ZC3H8: variants seen among roughly 807,000 people sequenced by gnomAD.
ZC3H8 encodes zinc finger CCCH-type containing 8, also known as zinc finger CCCH domain-containing protein 8.
In ZC3H8, 27 loss-of-function variants were observed where a neutral mutation model predicts 42.5. The ratio of observed to expected loss-of-function variants is 0.64; its 90% CI spans 0.47 to 0.88. The LOEUF is 0.88. ZC3H8 is among the 40% of genes least tolerant of loss of function. ZC3H8 has a pLI of 0.00. For synonymous variants in ZC3H8, 101 were observed against 110.1 expected, an observed-to-expected ratio of 0.92 and a Z score of 0.52; for missense variants, 277 against 336.1, an observed-to-expected ratio of 0.82 and a Z score of 1.37.
intron 2 of ZC3H8, among the ~76,000 whole-genome samples, chr2:112,246,061 CT>C (rs1267701947): frequency 2.6e-5 from 4 of 152,218 alleles, no homozygotes; most frequent in African/African-American, 4.8e-5. Context: ...TAAATATACT[CT>C]GCCTGTGCTC....
At chr2:112,240,832 T>C (rs937130858) in intron 2 of ZC3H8, among the ~76,000 whole-genome samples, 2 of 152,186 alleles carry the variant, frequency 1.3e-5, no homozygotes, top group African/African-American at 4.8e-5. Context: ...TTAAAAAGCA[T>C]ACGAACATGA....
At chr2:112,239,539 C>T (rs901081976) in intron 2 of ZC3H8, among the ~76,000 whole-genome samples, 2 of 144,462 alleles carry the variant, frequency 1.4e-5, no homozygotes, top group South Asian at 2.2e-4. Flanking sequence ...AGAAGAATCG[C>T]TATTATAAAA....
rs538098098 is a variant in ZC3H8 at position 112,219,111 on chromosome 2, C to A, written c.*16-2643G>T. 5.9e-5 allele frequency among the ~76,000 whole-genome samples: 9 copies of A among 152,172 alleles called. No individual in the cohort carries two copies. In the South Asian group the frequency reaches 1.9e-3, roughly 32 times the overall value. ...AAATAGAAAAATCTGTCTTAAAATT[C>A]ATATGGGATCTGAAGGAACAAATAG... On this transcript the variant is annotated intron_variant, in intron 8 of 8. Coordinates refer to ENST00000409573, the MANE Select transcript of ZC3H8 (RefSeq NM_032494.3).
chr2:112,235,201 C>CT lies in ZC3H8; in HGVS notation c.505-966dup, dbSNP rs560604888. 1.4e-4 allele frequency among the ~76,000 whole-genome samples: 21 copies of CT among 152,178 alleles called. 1 individual carries two copies. Among genetic ancestry groups the CT allele is most frequent in the Middle Eastern group, 3.2e-3 (1 of 316 alleles). On this transcript the variant is annotated intron_variant, in intron 4 of 8. Coordinates refer to ENST00000409573, the MANE Select transcript of ZC3H8 (RefSeq NM_032494.3). ...AATACAGTATGTACAAACAAGGGAG[C>CT]TGACTGTACAGTCATTTATAATAAT...
At chr2:112,247,962 G>A (rs1376711166) in intron 2 of ZC3H8, among the ~76,000 whole-genome samples, 2 of 152,206 alleles carry the variant, frequency 1.3e-5, no homozygotes, top group Non-Finnish European at 2.9e-5. Context: ...TTGCTTACTT[G>A]GGTAGCTGAG....
chr2:112,213,451 T>C lies in ZC3H8; in HGVS notation c.*3033A>G, dbSNP rs554818475. On this transcript the variant is annotated 3_prime_UTR_variant, in exon 9 of 9. Transcript: ENST00000409573. ...CAAGTTAAAACACCAAAAGGCTATA[T>C]ACTTGACCTATATTATCTCACCAAC... The C allele has an allele frequency of 4.8e-4, 73 of 152,078 alleles. No homozygotes were observed. The highest frequency in any genetic ancestry group is 1.7e-3 in the African/African-American group (71 of 41,486). The allele number at this position is 152,078 out of a possible 1,614,324, so 9.4% of individuals were successfully genotyped here.
At position 112,252,865 on chromosome 2, in the gene ZC3H8, C is replaced by T. The variant is rs776972739; in HGVS notation, c.74+2043G>A. On this transcript the variant is annotated intron_variant, in intron 1 of 8. Transcript: ENST00000409573. Reference sequence around the variant, plus strand: ...TCTTAAAATATCTACACCTCCCAGCCGGGCGCGGTGGCTCACGCCTGTAAT... The same window carrying T: ...TCTTAAAATATCTACACCTCCCAGCTGGGCGCGGTGGCTCACGCCTGTAAT... 8.5e-5 allele frequency among the ~76,000 whole-genome samples: 13 copies of T among 152,328 alleles called. No individual in the cohort carries two copies. The South Asian group carries it at 1.9e-3, about 22-fold the overall frequency.
chr2:112,244,732 T>G (rs1403732329), intron 2 of ZC3H8, among the ~76,000 whole-genome samples: 1 of 152,206 alleles, frequency 6.6e-6, no homozygotes, highest in African/African-American at 2.4e-5. Context: ...ACGTTACTAT[T>G]GTAATTTTTG....
chr2:112,252,900 T>C (rs1021216142), intron 1 of ZC3H8, among the ~76,000 whole-genome samples: 1 of 152,152 alleles, frequency 6.6e-6, no homozygotes, highest in African/African-American at 2.4e-5. Context: ...TCCCAGCACT[T>C]TGGGAGGCCA....
intron 2 of ZC3H8, among the ~76,000 whole-genome samples, chr2:112,249,439 T>TTTTTTG (rs1372281283): frequency 6.6e-6 from 1 of 152,038 alleles, no homozygotes; most frequent in Non-Finnish European, 1.5e-5. Context: ...TTCTGGGGTT[T>TTTTTTG]TTTTTGTTTT....
At chr2:112,219,289 T>G (rs1254322011) in intron 8 of ZC3H8, among the ~76,000 whole-genome samples, 1 of 152,086 alleles carries the variant, frequency 6.6e-6, no homozygotes, top group East Asian at 1.9e-4. Context: ...CCCTCACGTC[T>G]ATGGTAAATA....
At chr2:112,240,832 T>A (rs937130858) in intron 2 of ZC3H8, among the ~76,000 whole-genome samples, 2 of 152,186 alleles carry the variant, frequency 1.3e-5, no homozygotes, top group Non-Finnish European at 2.9e-5. Flanking sequence ...TTAAAAAGCA[T>A]ACGAACATGA....
intron 6 of ZC3H8, 66 bp from the exon 7 acceptor site, chr2:112,232,013 C>T: frequency 1.0e-6 from 1 of 988,082 alleles, no homozygotes; most frequent in African/African-American, 1.7e-5. Flanking sequence ...AACTTAATGA[C>T]TTTATTTTTC....
intron 1 of ZC3H8, chr2:112,254,045 CTTCTCT>C (rs1422725359): frequency 1.9e-5 from 17 of 915,080 alleles, no homozygotes; most frequent in Middle Eastern, 5.6e-4. Flanking sequence ...ACGGCATCAT[CTTCTCT>C]TTAAGTTTGT....
intron 2 of ZC3H8, 37 bp from the exon 3 acceptor site, chr2:112,238,565 G>C (rs1435273561): frequency 2.0e-6 from 3 of 1,533,298 alleles, no homozygotes. Context: ...TAAAAACCTA[G>C]CATGATTCAA....
chr2:112,241,122 C>T (rs1234209832), intron 2 of ZC3H8, among the ~76,000 whole-genome samples: 1 of 151,892 alleles, frequency 6.6e-6, no homozygotes, highest in Non-Finnish European at 1.5e-5. Flanking sequence ...GGCTTAGGTA[C>T]AGTGTGAGAA....
At chr2:112,252,099 T>G (rs896433076) in intron 1 of ZC3H8, among the ~76,000 whole-genome samples, 1 of 152,220 alleles carries the variant, frequency 6.6e-6, no homozygotes, top group African/African-American at 2.4e-5. Context: ...ACTATGAATA[T>G]CATCTGTATG....
At chr2:112,230,819 TTTGAGAACC>T (rs977028376) in intron 8 of ZC3H8, 75 bp downstream of exon 8, 147 of 852,870 alleles carry the variant, frequency 1.7e-4, no homozygotes, top group Non-Finnish European at 2.1e-4. Context: ...AATACTTCTA[TTTGAGAACC>T]CTATTGAGGT....
At chr2:112,230,167 C>G (rs769705466) in intron 8 of ZC3H8, among the ~76,000 whole-genome samples, 3 of 152,050 alleles carry the variant, frequency 2.0e-5, no homozygotes, top group Non-Finnish European at 4.4e-5. Flanking sequence ...AATTAAGTTA[C>G]GAGATTCTAT....
Sources: allele counts gnomAD v4.1 joint callset (sites outside exome capture counted in the v4.1 genomes callset), GRCh38; gene constraint gnomAD v4.1.1; transcripts MANE v1.5; gene names NCBI Gene and HGNC (gene_info 2026-07-23, HGNC 2026-07-21).